C16orf46: variants seen among roughly 807,000 people sequenced by gnomAD.
C16orf46 encodes chromosome 16 open reading frame 46, also known as uncharacterized protein C16orf46.
A neutral mutation model predicts 5.5 loss-of-function variants in C16orf46; 7 were observed. The ratio of observed to expected loss-of-function variants is 1.28; its 90% CI spans 0.73 to 2.40. C16orf46 has a LOEUF of 2.40. Among genes scored for constraint, C16orf46 ranks in the 30% most tolerant of loss-of-function variants. The pLI is 0.00. For synonymous variants in C16orf46, 200 were observed against 184.1 expected (o/e 1.09, Z -0.70); for missense variants, 614 against 476.0 (o/e 1.29, Z -2.70).
rs1971844458 is a variant in C16orf46, at chr16:81,071,298, T to C, written c.-127-5017A>G. 5.9e-5 allele frequency among the ~76,000 whole-genome samples: 9 copies of C among 152,196 alleles called. No homozygotes were observed. The South Asian group carries it at 1.9e-3, about 32-fold the overall frequency. On this transcript the variant is annotated intron_variant, in intron 1 of 3. Transcript: ENST00000299578. The stretch of plus-strand genomic sequence containing the variant: ...CCAGTCAAACGTGGCAGGTTATCAC[T>C]AACCAATAAGAGCGACCAACTATCT...
rs1284025139 is a variant in C16orf46 at position 81,054,275 on chromosome 16, C to A, written c.1144-181G>T. 1.7e-3 allele frequency among the ~76,000 whole-genome samples: 27 copies of A among 16,326 alleles called. 1 individual carries two copies. Among genetic ancestry groups the A allele is most frequent in the Non-Finnish European group, 2.2e-3 (2 of 910 alleles). The allele number at this position is 16,326 out of a possible 152,430, so 10.7% of individuals were successfully genotyped here. A position where few individuals can be genotyped will look rare whatever the true frequency, so the allele number is the denominator to read the frequency against. The stretch of plus-strand genomic sequence containing the variant: ...AAAACCAACAAGCAAACAACAACAA[C>A]AACAACAAAAAAAAACAACAAAAAT... On this transcript the variant is annotated intron_variant, in intron 3 of 3. Coordinates refer to the C16orf46 transcript ENST00000378611.
At chr16:81,068,594 C>G (rs1470263300) in intron 1 of C16orf46, among the ~76,000 whole-genome samples, 1 of 109,044 alleles carries the variant, frequency 9.2e-6, no homozygotes, top group Non-Finnish European at 1.8e-5. Flanking sequence ...GAGATGGGGT[C>G]TCACTATATT....
chr16:81,067,530 A>G (rs1326312045), intron 1 of C16orf46, among the ~76,000 whole-genome samples: 1 of 152,154 alleles, frequency 6.6e-6, no homozygotes, highest in Non-Finnish European at 1.5e-5. Context: ...AAACTGAAAT[A>G]AATGTTGTTT....
At chr16:81,057,567 G>A (rs527568328), downstream of C16orf46, among the ~76,000 whole-genome samples, 25 of 150,992 alleles carry the variant, frequency 1.7e-4, no homozygotes, top group Non-Finnish European at 2.7e-4. Flanking sequence ...GTATGTGTTG[G>A]TAGAGAAGGT....
chr16:81,068,593 T>A (rs1216427976), intron 1 of C16orf46, among the ~76,000 whole-genome samples: 56 of 107,926 alleles, frequency 5.2e-4, no homozygotes, highest in African/African-American at 1.9e-3. Context: ...TGAGATGGGG[T>A]CTCACTATAT....
rs771727295 is a variant in C16orf46 at position 81,061,191 on chromosome 16, G to C, written c.1158C>G (p.Ile386Met). 5 of 1,613,262 alleles carry C rather than the reference G, an allele frequency of 3.1e-6. No homozygotes were observed. The East Asian group carries it at 1.1e-4, about 36-fold the overall frequency. ...VLPSLTVSRVIIPVSTHRIL is the reference protein window; with the variant it reads ...VLPSLTVSRVMIPVSTHRIL Reference sequence around the variant, plus strand: ...GGATCCTGTGGGTAGAGACAGGAATGATAACTCTGCTCACTGTGAGAGACG... The same window carrying C: ...GGATCCTGTGGGTAGAGACAGGAATCATAACTCTGCTCACTGTGAGAGACG... The change falls in exon 4 of 4, where the codon ATC (isoleucine) becomes ATG (methionine). Residue 386 changes from isoleucine to methionine, a missense_variant. Transcript: ENST00000299578.
chr16:81,057,167 G>C (rs546477499), downstream of C16orf46, among the ~76,000 whole-genome samples: 8 of 152,252 alleles, frequency 5.3e-5, no homozygotes, highest in African/African-American at 1.9e-4. Context: ...CTAAAGATAG[G>C]CCAGGTGATG....
At chr16:81,062,769 TA>T (rs1206519996) in intron 3 of C16orf46, among the ~76,000 whole-genome samples, 6 of 151,764 alleles carry the variant, frequency 4.0e-5, no homozygotes, top group Non-Finnish European at 8.8e-5. Context: ...GGGTTGCCAG[TA>T]AAAATATAGG....
At chr16:81,060,698 G>T, downstream of C16orf46, 1 of 159,666 alleles carries the variant, frequency 6.3e-6, no homozygotes, top group Non-Finnish European at 1.4e-5. Flanking sequence ...CAAAAAATCA[G>T]CAGGCAGTTT....
intron 1 of C16orf46, 80 bp from the exon 2 acceptor site, chr16:81,066,361 T>C (rs1302273770): frequency 1.3e-5 from 2 of 152,048 alleles, no homozygotes; most frequent in East Asian, 3.9e-4. Context: ...ATCAAGTTGT[T>C]GTCTGTCTCG....
intron 1 of C16orf46, among the ~76,000 whole-genome samples, chr16:81,074,360 T>C (rs1971954944): frequency 6.6e-6 from 1 of 152,124 alleles, no homozygotes; most frequent in Non-Finnish European, 1.5e-5. Flanking sequence ...AGTTACTATA[T>C]TTTTTTAAAA....
intron 3 of C16orf46, among the ~76,000 whole-genome samples, chr16:81,062,599 T>A (rs804888): frequency 0.98 from 148,645 of 152,274 alleles, 72,636 homozygotes; most frequent in Middle Eastern, 1. Flanking sequence ...TCTGCTTCCC[T>A]TACCTGGGGA....
chr16:81,067,651 C>T (rs192968373), intron 1 of C16orf46, among the ~76,000 whole-genome samples: 35 of 152,256 alleles, frequency 2.3e-4, no homozygotes, highest in African/African-American at 7.5e-4. Context: ...CTCCTGGGTT[C>T]AAGCGATTCT....
At position 81,061,734 on chromosome 16, in the gene C16orf46, G is replaced by C. The variant is rs371039198; in HGVS notation, c.615C>G (p.Ser205=). 12 of 1,613,864 alleles carry C rather than the reference G, an allele frequency of 7.4e-6. No individual in the cohort carries two copies. In the African/African-American group the frequency reaches 1.6e-4, roughly 22 times the overall value. Residue 205 remains serine (S), a synonymous_variant, in exon 4 of 4, where the codon TCC becomes TCG. Transcript: ENST00000299578. ...RGLSIPGPLT[S]RALLVLPPLK... is the part of the protein sequence containing the mutation. The stretch of plus-strand genomic sequence containing the variant: ...GGGGAGGCAGAACTAGGAGGGCCCT[G>C]GAAGTCAGGGGGCCTGGGATGGACA...
At chr16:81,075,781 G>A (rs1279209484) in intron 1 of C16orf46, among the ~76,000 whole-genome samples, 3 of 152,116 alleles carry the variant, frequency 2.0e-5, no homozygotes, top group African/African-American at 4.8e-5. Context: ...ATATCTTACC[G>A]TAGCTTCCTA....
chr16:81,063,828 C>A lies in C16orf46; in HGVS notation c.128G>T (p.Cys43Phe), dbSNP rs950606310. The A allele has an allele frequency of 6.8e-6, 11 of 1,614,036 alleles. No homozygotes were observed. Among genetic ancestry groups the A allele is most frequent in the East Asian group, 2.2e-5 (1 of 44,864 alleles). ...DGKSEKNHVYCLLDVSDITLE... is the reference protein window; with the variant it reads ...DGKSEKNHVYFLLDVSDITLE... ...CGTAATGTCACTGACATCGAGAAGA[C>A]AATAAACATGATTTTTTTCACTTTT... is the stretch of plus-strand genomic sequence containing the variant. The change falls in exon 3 of 4, where the codon TGT (cysteine) becomes TTT (phenylalanine). Residue 43 changes from cysteine to phenylalanine, a missense_variant. Physicochemically the swap from Cys to Phe is radical, Grantham distance 205 (BLOSUM62 -2). Transcript: ENST00000299578.
chr16:81,056,297 C>T (rs1971293363), downstream of C16orf46: 1 of 152,142 alleles, frequency 6.6e-6, no homozygotes, highest in African/African-American at 2.4e-5. Flanking sequence ...CCTTGCCAAA[C>T]CAGTAATGCA....
chr16:81,075,426 C>G (rs1378487307), intron 1 of C16orf46, among the ~76,000 whole-genome samples: 1 of 152,046 alleles, frequency 6.6e-6, no homozygotes, highest in Non-Finnish European at 1.5e-5. Context: ...CCCATCTTTA[C>G]CGAAAATACA....
intron 1 of C16orf46, chr16:81,072,328 CAAAAAAAAAAA>C (rs34242284): frequency 9.7e-6 from 1 of 102,836 alleles, no homozygotes; most frequent in African/African-American, 3.4e-5. Flanking sequence ...ATACCTGATG[CAAAAAAAAAAA>C]AAAAAAAGAA....
Sources: allele counts gnomAD v4.1 joint callset (sites outside exome capture counted in the v4.1 genomes callset), GRCh38; gene constraint gnomAD v4.1.1; transcripts MANE v1.5; gene names NCBI Gene and HGNC (gene_info 2026-07-23, HGNC 2026-07-21).